SEMA3D: variants seen among roughly 807,000 people sequenced by gnomAD.
The protein encoded by SEMA3D is semaphorin 3D, also known as semaphorin-3D.
A neutral mutation model predicts 100.1 loss-of-function variants in SEMA3D; 84 were observed. That is an observed-to-expected ratio of 0.84 (90% CI 0.70 to 1.01). The LOEUF is 1.01. SEMA3D is among the 50% of genes least tolerant of loss of function. The pLI is 0.00. For synonymous variants in SEMA3D, 312 were observed against 320.7 expected, an observed-to-expected ratio of 0.97 and a Z score of 0.29; for missense variants, 875 against 934.1, an observed-to-expected ratio of 0.94 and a Z score of 0.82.
At chr7:85,009,896 C>A (rs1355867151) in intron 17 of SEMA3D, among the ~76,000 whole-genome samples, 2 of 151,722 alleles carry the variant, frequency 1.3e-5, no homozygotes, top group African/African-American at 4.8e-5. Flanking sequence ...ATGAAATTCA[C>A]TGCCCTCTAG....
chr7:85,042,035 A>G, intron 10 of SEMA3D, 136 bp downstream of exon 10: 1 of 692,750 alleles, frequency 1.4e-6, no homozygotes, highest in Non-Finnish European at 2.6e-6. Flanking sequence ...TTGCGTGTGA[A>G]TTTTAGTAAG....
At chr7:85,146,179 C>T (rs1790199906) in intron 2 of SEMA3D, among the ~76,000 whole-genome samples, 1 of 152,136 alleles carries the variant, frequency 6.6e-6, no homozygotes, top group Admixed American at 6.6e-5. Context: ...TGACATCTTA[C>T]AGTTCTTTAA....
At chr7:85,074,757 C>T (rs1791876631) in intron 5 of SEMA3D, among the ~76,000 whole-genome samples, 1 of 151,864 alleles carries the variant, frequency 6.6e-6, no homozygotes, top group South Asian at 2.1e-4. Context: ...GCTGGAACTA[C>T]AGGTGCAAGT....
In SEMA3D at chr7:85,116,999, T is replaced by C. The variant is rs181629417; in HGVS notation, c.151+4742A>G. On this transcript the variant is annotated intron_variant, in intron 3 of 18. Transcript: ENST00000284136. ...TACATATGTGACTTCAACACTACTA[T>C]CATTGAGAAATATAGTCTTTGTGCT... 2.1e-3 allele frequency among the ~76,000 whole-genome samples: 318 copies of C among 152,302 alleles called. 1 individual carries two copies. Among genetic ancestry groups the C allele is most frequent in the African/African-American group, 7.3e-3 (304 of 41,562 alleles).
Position 85,006,917 on chromosome 7 carries a change from T to C in SEMA3D, c.1793A>G (p.Glu598Gly), listed in dbSNP as rs745775614. ...AAATTCAATGCCAAAAATCACCTTT[T>C]CATCAGCAGTTTCATGACTAATGCC... ...EDSISHETAD[E>G]KVIFGIEFNS... is the part of the protein sequence containing the mutation. Residue 598 changes from glutamate (E) to glycine (G), a missense_variant, in exon 18 of 19, where the codon GAA becomes GGA. Transcript: ENST00000284136. 1 of 1,610,350 alleles carries C rather than the reference T, an allele frequency of 6.2e-7. No individual in the cohort carries two copies. Among genetic ancestry groups the C allele is most frequent in the Non-Finnish European group, 8.5e-7 (1 of 1,177,808 alleles).
chr7:85,122,548 C>G (rs1789459419), intron 2 of SEMA3D, among the ~76,000 whole-genome samples: 1 of 152,140 alleles, frequency 6.6e-6, no homozygotes, highest in Non-Finnish European at 1.5e-5. Context: ...TCAGACGAGA[C>G]CACTTTCACT....
intron 7 of SEMA3D, among the ~76,000 whole-genome samples, chr7:85,066,913 C>CACACACACACAGAGAGAGAGAGAGAGAG: frequency 7.8e-6 from 1 of 127,760 alleles, no homozygotes; most frequent in African/African-American, 3.2e-5. Flanking sequence ...CACACACACA[C>CACACACACACAGAGAGAGAGAGAGAGAG]AGAGAGAGAG....
At chr7:85,061,094 G>A (rs983398809) in intron 8 of SEMA3D, among the ~76,000 whole-genome samples, 4 of 152,098 alleles carry the variant, frequency 2.6e-5, no homozygotes, top group African/African-American at 9.7e-5. Flanking sequence ...AAATCAAAGT[G>A]TGGAACCATC....
chr7:85,205,832 T>G, the SEMA3D span, among the ~76,000 whole-genome samples: 1 of 152,114 alleles, frequency 6.6e-6, no homozygotes, highest in African/African-American at 2.4e-5. Context: ...GATATTTTGA[T>G]TTCATAAGGC....
chr7:85,003,149 T>A (rs947782884), intron 18 of SEMA3D, among the ~76,000 whole-genome samples: 1 of 152,122 alleles, frequency 6.6e-6, no homozygotes, highest in African/African-American at 2.4e-5. Flanking sequence ...CTTATTTAAT[T>A]TGGAAGAAAG....
At chr7:85,095,194 A>G (rs1398638992) in intron 4 of SEMA3D, among the ~76,000 whole-genome samples, 2 of 152,018 alleles carry the variant, frequency 1.3e-5, no homozygotes, top group Non-Finnish European at 2.9e-5. Flanking sequence ...AAGATAGTAA[A>G]AAGATATTAT....
At chr7:85,040,533 A>G in intron 11 of SEMA3D, 140 bp downstream of exon 11, 1 of 594,900 alleles carries the variant, frequency 1.7e-6, no homozygotes, top group Non-Finnish European at 3.0e-6. Flanking sequence ...TTTTTAAGGA[A>G]CACTAAGTGA....
At chr7:85,239,615 CT>C in the SEMA3D span, among the ~76,000 whole-genome samples, 1 of 152,136 alleles carries the variant, frequency 6.6e-6, no homozygotes, top group South Asian at 2.1e-4. Context: ...CTTCTGAACT[CT>C]CAATATATGC....
rs1293030434 is a variant in SEMA3D at position 84,995,898 on chromosome 7, AC to A, written c.*3541del. 2 of 151,844 alleles carry A rather than the reference AC, an allele frequency of 1.3e-5. No individual in the cohort carries two copies. Among genetic ancestry groups the A allele is most frequent in the Non-Finnish European group, 2.9e-5 (2 of 67,856 alleles). 9.4% of individuals were successfully genotyped at this position (151,844 alleles called of 1,614,324 possible). A position where few individuals can be genotyped will look rare whatever the true frequency, so the allele number is the denominator to read the frequency against. ...CTGGGAATCGATTTTATTTTACCTG[AC>A]TTGTAAGATGAATTATTTAAAATTG... On this transcript the variant is annotated 3_prime_UTR_variant, in exon 19 of 19. Coordinates refer to ENST00000284136, the MANE Select transcript of SEMA3D (RefSeq NM_001384900.1).
chr7:85,239,828 T>A, the SEMA3D span, among the ~76,000 whole-genome samples: 1 of 152,186 alleles, frequency 6.6e-6, no homozygotes, highest in African/African-American at 2.4e-5. Context: ...CACTTTCTCA[T>A]TACTGTTATA....
chr7:85,176,991 A>G (rs1429740458), intron 1 of SEMA3D, among the ~76,000 whole-genome samples: 2 of 152,132 alleles, frequency 1.3e-5, no homozygotes, highest in Non-Finnish European at 2.9e-5. Flanking sequence ...AGTTGCCTAC[A>G]ATATTCAGTA....
chr7:85,022,748 G>A (rs1790291920), intron 12 of SEMA3D, 135 bp from the exon 13 acceptor site: 1 of 627,896 alleles, frequency 1.6e-6, no homozygotes, highest in Non-Finnish European at 2.8e-6. Context: ...ATGGAATCAT[G>A]TGTACTTGTA....
At chr7:85,189,296 G>A (rs932317050), upstream of SEMA3D, among the ~76,000 whole-genome samples, 2 of 152,052 alleles carry the variant, frequency 1.3e-5, no homozygotes, top group Admixed American at 1.3e-4. Flanking sequence ...TAGAAATAAT[G>A]TTAATATTCA....
At chr7:85,150,571 C>T (rs1284165417) in intron 2 of SEMA3D, among the ~76,000 whole-genome samples, 2 of 149,266 alleles carry the variant, frequency 1.3e-5, no homozygotes, top group Non-Finnish European at 3.0e-5. Flanking sequence ...AGAATCACTT[C>T]CCAAATCAAA....
Sources: gnomAD v4.1 joint callset for allele counts (sites outside exome capture counted in the v4.1 genomes callset) on GRCh38, gnomAD v4.1.1 for gene constraint, MANE v1.5 for transcripts, NCBI Gene and HGNC (gene_info 2026-07-23, HGNC 2026-07-21) for gene names.